The following MEIS2 variants were observed in gnomAD, a reference collection of about 807,000 sequenced individuals.
MEIS2 encodes the protein homeobox protein Meis2.
A neutral mutation model predicts 58.6 loss-of-function variants in MEIS2; 9 were observed. The observed-to-expected ratio is 0.15, with a 90% CI of 0.09 to 0.27. MEIS2 has a LOEUF of 0.27. Among genes scored for constraint, MEIS2 ranks in the 10% least tolerant of loss-of-function variants. MEIS2 has a pLI of 1.00. For missense variants in MEIS2, 427 were observed against 635.0 expected, an observed-to-expected ratio of 0.67 and a Z score of 3.52; for synonymous variants, 221 against 228.4, an observed-to-expected ratio of 0.97 and a Z score of 0.29.
chr15:36,998,558 C>T (rs1045731403), intron 8 of MEIS2, among the ~76,000 whole-genome samples: 1 of 152,070 alleles, frequency 6.6e-6, no homozygotes, highest in Non-Finnish European at 1.5e-5. Flanking sequence ...TCCATGCTTA[C>T]TGTCAGCTAA....
At chr15:37,067,335 C>T (rs763531696) in intron 7 of MEIS2, among the ~76,000 whole-genome samples, 2 of 152,016 alleles carry the variant, frequency 1.3e-5, no homozygotes, top group African/African-American at 2.4e-5. Context: ...ATGGTTATAA[C>T]GTGCCAGGTA....
intron 1 of MEIS2, chr15:37,098,551 A>C: frequency 2.7e-6 from 1 of 372,336 alleles, no homozygotes; most frequent in Non-Finnish European, 3.9e-6. Context: ...AAATTTAAAA[A>C]TGAAAAAGCA....
intron 9 of MEIS2, among the ~76,000 whole-genome samples, chr15:36,934,547 C>T (rs577547490): frequency 2.3e-4 from 35 of 152,260 alleles, no homozygotes; most frequent in African/African-American, 7.7e-4. Flanking sequence ...TTTAAAATAC[C>T]GTTCAACGGG....
chr15:36,910,040 G>A (rs958937845), intron 9 of MEIS2, among the ~76,000 whole-genome samples: 9 of 151,872 alleles, frequency 5.9e-5, no homozygotes, highest in Admixed American at 3.3e-4. Flanking sequence ...CCATCTCTAC[G>A]AAAACCTTAA....
In MEIS2 at chr15:36,992,457, T is replaced by C. The variant is rs928351869; in HGVS notation, c.901-42057A>G. Among the ~76,000 whole-genome samples, 21 of 152,238 alleles carry C rather than the reference T, an allele frequency of 1.4e-4. No individual in the cohort carries two copies. In the South Asian group the frequency reaches 3.5e-3, roughly 26 times the overall value. Reference sequence around the variant, plus strand: ...CATCCTGAATAAATTCTTGCTAGAGTTTAATTTGGTGATATAAATTGTTGA... The same window carrying C: ...CATCCTGAATAAATTCTTGCTAGAGCTTAATTTGGTGATATAAATTGTTGA... On this transcript the variant is annotated intron_variant, in intron 8 of 11. Transcript: ENST00000561208.
intron 8 of MEIS2, among the ~76,000 whole-genome samples, chr15:37,029,927 G>A (rs1322136185): frequency 2.6e-5 from 4 of 152,172 alleles, no homozygotes; most frequent in African/African-American, 9.7e-5. Context: ...ACTCTGGGAG[G>A]CTGAGGTGGG....
chr15:37,059,184 CTTTTTTAT>C (rs953912619), intron 7 of MEIS2, among the ~76,000 whole-genome samples: 3 of 152,034 alleles, frequency 2.0e-5, no homozygotes, highest in Admixed American at 1.3e-4. Context: ...GAGCAGACTG[CTTTTTTAT>C]TTTTTTAATT....
At chr15:36,966,377 T>C (rs1378191478) in intron 8 of MEIS2, among the ~76,000 whole-genome samples, 1 of 152,186 alleles carries the variant, frequency 6.6e-6, no homozygotes, top group Non-Finnish European at 1.5e-5. Context: ...CAAGGAATAA[T>C]TTTACAGTAA....
intron 8 of MEIS2, among the ~76,000 whole-genome samples, chr15:36,975,948 A>T (rs553898292): frequency 5.9e-5 from 9 of 152,364 alleles, no homozygotes; most frequent in African/African-American, 2.2e-4. Context: ...ATGTATATGT[A>T]TTTCAAAACA....
chr15:36,916,841 A>G (rs1389098930), intron 9 of MEIS2, among the ~76,000 whole-genome samples: 1 of 152,232 alleles, frequency 6.6e-6, no homozygotes, highest in African/African-American at 2.4e-5. Flanking sequence ...GCATACATGT[A>G]TCCTCTTATG....
intron 9 of MEIS2, among the ~76,000 whole-genome samples, chr15:36,942,106 T>A (rs1172351718): frequency 1.3e-5 from 2 of 152,158 alleles, no homozygotes; most frequent in East Asian, 3.9e-4. Context: ...GAACCTTGCA[T>A]GTGTTTCAGC....
chr15:36,930,923 A>T (rs2057952205), intron 9 of MEIS2, among the ~76,000 whole-genome samples: 1 of 152,124 alleles, frequency 6.6e-6, no homozygotes, highest in Non-Finnish European at 1.5e-5. Flanking sequence ...GAAATAAACC[A>T]CGTAGTTCGA....
chr15:36,889,685 C>T lies in MEIS2; in HGVS notation c.*2488G>A, dbSNP rs543033818. ...CGAGCCAATTGCCAAGGAAACCCTTCAGAATTTACTGAGTGGAAAGAAAAA... is the reference window on the plus strand; with the variant it reads ...CGAGCCAATTGCCAAGGAAACCCTTTAGAATTTACTGAGTGGAAAGAAAAA... On this transcript the variant is annotated 3_prime_UTR_variant, in exon 12 of 12. Coordinates refer to ENST00000561208, the MANE Select transcript of MEIS2 (RefSeq NM_170675.5). The T allele has an allele frequency of 1.2e-4, 19 of 152,136 alleles. No individual in the cohort carries two copies. Among genetic ancestry groups the T allele is most frequent in the African/African-American group, 4.1e-4 (17 of 41,492 alleles). 9.4% of individuals were successfully genotyped at this position (152,136 alleles called of 1,614,324 possible).
At chr15:36,929,158 C>T (rs1313926076) in intron 9 of MEIS2, among the ~76,000 whole-genome samples, 1 of 152,166 alleles carries the variant, frequency 6.6e-6, no homozygotes, top group African/African-American at 2.4e-5. Flanking sequence ...AGACATATTA[C>T]CAATCAAATA....
intron 8 of MEIS2, among the ~76,000 whole-genome samples, chr15:37,030,427 C>T (rs1363845993): frequency 2.0e-5 from 3 of 152,046 alleles, no homozygotes; most frequent in African/African-American, 4.8e-5. Context: ...ACCTCTACCT[C>T]CCGGGCTCAA....
chr15:36,997,520 T>A (rs1029734519), intron 8 of MEIS2, among the ~76,000 whole-genome samples: 3 of 149,716 alleles, frequency 2.0e-5, no homozygotes, highest in Non-Finnish European at 4.4e-5. Flanking sequence ...AGAATCTTGC[T>A]CTGTTGCCCA....
In MEIS2 at chr15:36,892,236, G is replaced by A; in HGVS notation, c.1371C>T (p.Pro457=). 3 of 1,614,148 alleles carry A rather than the reference G, an allele frequency of 1.9e-6. No homozygotes were observed. Among genetic ancestry groups the A allele is most frequent in the East Asian group, 2.2e-5 (1 of 44,886 alleles). The change falls in exon 12 of 12, where the codon CCC becomes CCT. Residue 457 remains proline, a synonymous_variant. Transcript: ENST00000561208. Reference sequence around the variant, plus strand: ...TGGGATCTACAGAATTTAACATTGTGGGGCTCTGTGCTGACATAGTCATTC... The same window carrying A: ...TGGGATCTACAGAATTTAACATTGTAGGGCTCTGTGCTGACATAGTCATTC... ...HPGMTMSAQS[P]TMLNSVDPNV...
chr15:36,922,619 CT>C (rs59227539), intron 9 of MEIS2, among the ~76,000 whole-genome samples: 3,932 of 126,806 alleles, frequency 0.031, 125 homozygotes, highest in African/African-American at 0.099. Flanking sequence ...TTCTTTCTTT[CT>C]TTTTTTTTTT....
At chr15:37,049,732 T>A (rs1408563655) in intron 7 of MEIS2, among the ~76,000 whole-genome samples, 6 of 151,458 alleles carry the variant, frequency 4.0e-5, no homozygotes, top group African/African-American at 1.5e-4. Context: ...AGGCAATTCA[T>A]GCACCTCGGC....
Sources: allele counts gnomAD v4.1 joint callset (sites outside exome capture counted in the v4.1 genomes callset), GRCh38; gene constraint gnomAD v4.1.1; transcripts MANE v1.5; gene names NCBI Gene and HGNC (gene_info 2026-07-23, HGNC 2026-07-21).